MAP1LC3B: variants seen among roughly 807,000 people sequenced by gnomAD.
The protein encoded by MAP1LC3B is microtubule associated protein 1 light chain 3 beta.
In MAP1LC3B, 12 loss-of-function variants were observed where a neutral mutation model predicts 16.7. That is an observed-to-expected ratio of 0.72 (90% CI 0.46 to 1.16). MAP1LC3B has a LOEUF of 1.16. Among genes scored for constraint, MAP1LC3B ranks in the 50% most tolerant of loss-of-function variants. The probability of loss-of-function intolerance (pLI) is 0.00; values close to 1 mark genes in which losing one functional copy is unlikely to be tolerated. For synonymous variants in MAP1LC3B, 63 were observed against 56.5 expected, an observed-to-expected ratio of 1.11 and a Z score of -0.51; for missense variants, 155 against 159.5, an observed-to-expected ratio of 0.97 and a Z score of 0.15.
At position 87,401,512 on chromosome 16, in the gene MAP1LC3B, G is replaced by A. The variant is rs185700644; in HGVS notation, c.97-663G>A. Among the ~76,000 whole-genome samples, 300 of 152,288 alleles carry A rather than the reference G, an allele frequency of 2.0e-3. 1 individual carries two copies. The highest frequency in any genetic ancestry group is 6.8e-3 in the African/African-American group (282 of 41,562). On this transcript the variant is annotated intron_variant, in intron 2 of 3. Transcript: ENST00000268607. ...CCAGTTAGACTGTAGGAGGCATTTT[G>A]TATATTTTTAATTGTTGATGACTAT...
At chr16:87,393,650 G>C (rs1318267550) in intron 1 of MAP1LC3B, among the ~76,000 whole-genome samples, 2 of 151,322 alleles carry the variant, frequency 1.3e-5, no homozygotes, top group African/African-American at 4.9e-5. Flanking sequence ...TGCCTTTTTT[G>C]TTAGTAGTTT....
Position 87,403,023 on chromosome 16 carries a change from G to A in MAP1LC3B, c.304G>A (p.Glu102Lys), listed in dbSNP as rs1908050877. ...ACCAATCTCAGAGGTGTATGAGAGT[G>A]AGAAAGATGAAGATGGATTCCTGTA... ...STPISEVYES[E>K]KDEDGFLYMV... The change falls in exon 4 of 4, where the codon GAG becomes AAG. Residue 102 changes from glutamate to lysine, a missense_variant. By Grantham distance (56) the Glu-to-Lys change is moderately conservative (BLOSUM62 1). Transcript: ENST00000268607. The A allele has an allele frequency of 6.2e-7, 1 of 1,614,148 alleles. No homozygotes were observed. Among genetic ancestry groups the A allele is most frequent in the African/African-American group, 1.3e-5 (1 of 75,050 alleles).
intron 1 of MAP1LC3B, among the ~76,000 whole-genome samples, chr16:87,395,519 G>C (rs1007811932): frequency 1.3e-5 from 2 of 152,200 alleles, no homozygotes; most frequent in Non-Finnish European, 2.9e-5. Flanking sequence ...TAATGCTTTT[G>C]TTAAATATAC....
chr16:87,401,895 C>T (rs1389222793), intron 2 of MAP1LC3B, among the ~76,000 whole-genome samples: 1 of 151,660 alleles, frequency 6.6e-6, no homozygotes, highest in African/African-American at 2.4e-5. Flanking sequence ...TGCGGTGGCG[C>T]GATCTCGGCT....
rs745991145 is a variant in MAP1LC3B at position 87,403,199 on chromosome 16, C to T, written c.*102C>T. On this transcript the variant is annotated 3_prime_UTR_variant, in exon 4 of 4. Transcript: ENST00000268607. ...TCGATCAGTTCATCCAATCACAGAT[C>T]ATGAAACAGTAGTGTTCCCACCTAG... is the stretch of plus-strand genomic sequence containing the variant. 2.1e-6 allele frequency: 3 copies of T among 1,440,142 alleles called. No homozygotes were observed. Among genetic ancestry groups the T allele is most frequent in the Non-Finnish European group, 2.8e-6 (3 of 1,065,016 alleles). 89.2% of individuals were successfully genotyped at this position (1,440,142 alleles called of 1,614,324 possible). A position where few individuals can be genotyped will look rare whatever the true frequency, so the allele number is the denominator to read the frequency against.
chr16:87,396,445 A>T (rs534395319), intron 1 of MAP1LC3B, among the ~76,000 whole-genome samples: 1 of 151,710 alleles, frequency 6.6e-6, no homozygotes, highest in East Asian at 2.0e-4. Context: ...ACTGCACTCC[A>T]GCCTGAGTGA....
chr16:87,395,293 C>T (rs912814098), intron 1 of MAP1LC3B, among the ~76,000 whole-genome samples: 5 of 152,126 alleles, frequency 3.3e-5, no homozygotes, highest in South Asian at 2.1e-4. Context: ...CATGTGGAGC[C>T]GTGTTCATTT....
chr16:87,402,147 T>G (rs753423423), intron 2 of MAP1LC3B, 28 bp from the exon 3 acceptor site: 6 of 1,613,368 alleles, frequency 3.7e-6, no homozygotes, highest in Admixed American at 1.7e-5. Context: ...GATGACTATT[T>G]TAAAATCACT....
chr16:87,402,689 C>T (rs529056726), intron 3 of MAP1LC3B: 1 of 591,998 alleles, frequency 1.7e-6, no homozygotes, highest in Non-Finnish European at 2.9e-6. Context: ...GACAGTTTAA[C>T]AGCTGTTCAG....
chr16:87,399,521 A>G (rs963838058), intron 2 of MAP1LC3B: 1 of 439,228 alleles, frequency 2.3e-6, no homozygotes, highest in Non-Finnish European at 4.5e-6. Context: ...ACAATGTACA[A>G]ATAAGCATTT....
intron 2 of MAP1LC3B, 63 bp downstream of exon 2, chr16:87,398,933 G>A (rs1597390013): frequency 1.4e-6 from 2 of 1,416,614 alleles, no homozygotes; most frequent in South Asian, 2.3e-5. Context: ...CCGCATAAGT[G>A]CATCCACTTG....
In MAP1LC3B at chr16:87,402,523, A is replaced by C. The variant is rs1369389839; in HGVS notation, c.203+242A>C. The C allele has an allele frequency of 8.9e-6, 5 of 564,160 alleles. No individual in the cohort carries two copies. The East Asian group carries it at 1.5e-4, about 16-fold the overall frequency. 34.9% of individuals were successfully genotyped at this position (564,160 alleles called of 1,614,324 possible). On this transcript the variant is annotated intron_variant, in intron 3 of 3. Transcript: ENST00000268607. ...CGTTTCTTTCATCATAACATCGTTT[A>C]GATGTTTCCTGTTTAAAATCAGTGT...
rs990614904 is a variant in MAP1LC3B at position 87,392,372 on chromosome 16, G to A, written c.-56G>A. 15 of 1,382,240 alleles carry A rather than the reference G, an allele frequency of 1.1e-5. No homozygotes were observed. Among genetic ancestry groups the A allele is most frequent in the South Asian group, 1.6e-5 (1 of 63,762 alleles). The allele number at this position is 1,382,240 out of a possible 1,614,324, so 85.6% of individuals were successfully genotyped here. On this transcript the variant is annotated 5_prime_UTR_variant, in exon 1 of 4. Coordinates refer to ENST00000268607, the MANE Select transcript of MAP1LC3B (RefSeq NM_022818.5). ...CGCCGCCGCAGCAGCCGCCGCCCCC[G>A]GGAGCCGCCGGGACCCTCGCGTCGT...
chr16:87,393,062 GC>G (rs1907660573), intron 1 of MAP1LC3B: 1 of 152,354 alleles, frequency 6.6e-6, no homozygotes. Context: ...GCCCGGGACG[GC>G]CCACAGCGGT....
intron 2 of MAP1LC3B, chr16:87,399,716 A>C (rs553843503): frequency 4.4e-5 from 17 of 390,422 alleles, no homozygotes; most frequent in East Asian, 1.5e-4. Context: ...CTAAAAAAAA[A>C]CAAAATATTT....
chr16:87,396,173 C>A (rs1378543442), intron 1 of MAP1LC3B, among the ~76,000 whole-genome samples: 1 of 151,506 alleles, frequency 6.6e-6, no homozygotes, highest in Non-Finnish European at 1.5e-5. Context: ...ACCTAGTTTC[C>A]TATATTAAAA....
chr16:87,396,752 T>C (rs1381650554), intron 1 of MAP1LC3B: 2 of 152,162 alleles, frequency 1.3e-5, no homozygotes, highest in African/African-American at 4.8e-5. Flanking sequence ...CGCTGGGAAG[T>C]AGAGAAGGAG....
intron 1 of MAP1LC3B, among the ~76,000 whole-genome samples, chr16:87,393,692 G>C (rs201545142): frequency 1.3e-5 from 2 of 150,610 alleles, no homozygotes; most frequent in Non-Finnish European, 2.9e-5. Context: ...ACTCTTTACT[G>C]TAGTGTCTAG....
At chr16:87,398,781 T>A (rs1456739032) in intron 1 of MAP1LC3B, 34 bp from the exon 2 acceptor site, 1 of 1,607,302 alleles carries the variant, frequency 6.2e-7, no homozygotes, top group Non-Finnish European at 8.5e-7. Context: ...TGCCTGGCCC[T>A]TAGTAATGCT....
Sources: gnomAD v4.1 joint callset for allele counts (sites outside exome capture counted in the v4.1 genomes callset) on GRCh38, gnomAD v4.1.1 for gene constraint, MANE v1.5 for transcripts, NCBI Gene and HGNC (gene_info 2026-07-23, HGNC 2026-07-21) for gene names.